GRM8: variants seen among roughly 807,000 people sequenced by gnomAD.
The protein encoded by GRM8 is glutamate metabotropic receptor 8, also known as metabotropic glutamate receptor 8.
In GRM8, 47 loss-of-function variants were observed where a neutral mutation model predicts 87.2. The observed-to-expected ratio is 0.54, with a 90% CI of 0.43 to 0.69. GRM8 has a LOEUF of 0.69. Among genes scored for constraint, GRM8 ranks in the 30% least tolerant of loss-of-function variants. GRM8 has a pLI of 0.00. For missense variants in GRM8, 1,019 were observed against 1,139.2 expected (o/e 0.89, Z 1.52); for synonymous variants, 396 against 404.5 (o/e 0.98, Z 0.25).
chr7:126,760,673 T>A (rs1817499597), intron 7 of GRM8, among the ~76,000 whole-genome samples: 1 of 152,294 alleles, frequency 6.6e-6, no homozygotes, highest in Non-Finnish European at 1.5e-5. Flanking sequence ...AAGCAGAGAC[T>A]TCAAGAATTA....
At chr7:126,562,259 A>C (rs942010822) in intron 8 of GRM8, among the ~76,000 whole-genome samples, 1 of 152,174 alleles carries the variant, frequency 6.6e-6, no homozygotes, top group African/African-American at 2.4e-5. Flanking sequence ...AAAACACTAG[A>C]TAAAGATAAA....
At chr7:127,029,133 T>C (rs1257363699) in intron 3 of GRM8, among the ~76,000 whole-genome samples, 1 of 152,216 alleles carries the variant, frequency 6.6e-6, no homozygotes, top group African/African-American at 2.4e-5. Context: ...AGTTTCCATG[T>C]ATCTGTGTGG....
At chr7:126,478,370 T>C (rs1806254577) in intron 9 of GRM8, among the ~76,000 whole-genome samples, 1 of 152,120 alleles carries the variant, frequency 6.6e-6, no homozygotes, top group Admixed American at 6.6e-5. Context: ...GATTATTCTT[T>C]AAATATCCAA....
intron 2 of GRM8, among the ~76,000 whole-genome samples, chr7:127,135,870 T>C (rs1427231747): frequency 6.6e-6 from 1 of 152,178 alleles, no homozygotes; most frequent in African/African-American, 2.4e-5. Context: ...TAGTAATTTC[T>C]AAAAATTGAG....
At chr7:127,190,498 C>T (rs549720596) in intron 2 of GRM8, among the ~76,000 whole-genome samples, 4 of 151,292 alleles carry the variant, frequency 2.6e-5, no homozygotes, top group Admixed American at 1.3e-4. Flanking sequence ...GAGCCGGGAT[C>T]GTGCCATTGC....
intron 9 of GRM8, among the ~76,000 whole-genome samples, chr7:126,456,519 TAAAAAAAAAAAAAA>T (rs513): frequency 2.9e-5 from 2 of 69,696 alleles, no homozygotes; most frequent in African/African-American, 8.3e-5. Flanking sequence ...AGCAGCAAGC[TAAAAAAAAAAAAAA>T]AAAAAAAAAA....
Position 127,242,773 on chromosome 7 carries a change from G to A in GRM8, c.432C>T (p.Pro144=), listed in dbSNP as rs199732932. 76 of 1,613,956 alleles carry A rather than the reference G, an allele frequency of 4.7e-5. No homozygotes were observed. Among genetic ancestry groups the A allele is most frequent in the Non-Finnish European group, 5.5e-5 (65 of 1,179,970 alleles). The change falls in exon 2 of 11, where the codon CCC becomes CCT. Residue 144 remains proline, a synonymous_variant. Coordinates refer to ENST00000339582, the MANE Select transcript of GRM8 (RefSeq NM_000845.3). The part of the protein sequence containing the change: ...ANGDPPIFTK[P]DKISGVIGAA... ...CACCTATGACGCCAGAAATCTTGTC[G>A]GGCTTGGTGAAAATGGGTGGATCTC...
chr7:127,047,923 G>T (rs1357226113), intron 3 of GRM8, among the ~76,000 whole-genome samples: 1 of 152,138 alleles, frequency 6.6e-6, no homozygotes, highest in Non-Finnish European at 1.5e-5. Context: ...TCAATATGTA[G>T]TGATAACCAA....
chr7:126,702,494 C>T (rs989357201), intron 7 of GRM8, among the ~76,000 whole-genome samples: 22 of 152,146 alleles, frequency 1.4e-4, no homozygotes, highest in East Asian at 1.9e-4. Context: ...TGTAGAAGGA[C>T]GACGCAGTGG....
chr7:126,526,097 T>C (rs1334632244), intron 9 of GRM8, among the ~76,000 whole-genome samples: 2 of 152,208 alleles, frequency 1.3e-5, no homozygotes, highest in African/African-American at 4.8e-5. Context: ...AAGGAACTGT[T>C]TGCTTGCAAT....
chr7:127,014,965 A>G (rs984866210), intron 3 of GRM8, among the ~76,000 whole-genome samples: 5 of 146,364 alleles, frequency 3.4e-5, no homozygotes, highest in African/African-American at 1.3e-4. Context: ...GAAGAAGAAG[A>G]AGAGGAAGAA....
intron 3 of GRM8, among the ~76,000 whole-genome samples, chr7:126,930,753 G>C (rs1805680251): frequency 1.3e-5 from 2 of 152,210 alleles, no homozygotes; most frequent in African/African-American, 4.8e-5. Context: ...TGTGAGCCGA[G>C]TATTATAAGT....
chr7:126,578,844 A>G (rs1299920902), intron 8 of GRM8, among the ~76,000 whole-genome samples: 1 of 151,442 alleles, frequency 6.6e-6, no homozygotes, highest in Non-Finnish European at 1.5e-5. Context: ...CTTAAAGAGG[A>G]AAAAAAAAGA....
intron 2 of GRM8, among the ~76,000 whole-genome samples, chr7:127,141,397 A>C (rs909258987): frequency 3.3e-5 from 5 of 152,168 alleles, no homozygotes; most frequent in African/African-American, 1.2e-4. Context: ...TTTACTCAAG[A>C]CTTAAGCCAG....
intron 2 of GRM8, among the ~76,000 whole-genome samples, chr7:127,129,735 A>C (rs760537306): frequency 1.6e-4 from 24 of 152,196 alleles, no homozygotes; most frequent in Admixed American, 1.6e-3. Flanking sequence ...CCAAAGTCAC[A>C]GTAGAGATTC....
intron 2 of GRM8, among the ~76,000 whole-genome samples, chr7:127,117,501 G>A (rs1826766170): frequency 6.6e-6 from 1 of 152,170 alleles, no homozygotes; most frequent in Admixed American, 6.5e-5. Context: ...ATTTCAAGAT[G>A]AAATCTCTGA....
At chr7:126,808,954 T>C (rs1479983110) in intron 6 of GRM8, among the ~76,000 whole-genome samples, 1 of 152,190 alleles carries the variant, frequency 6.6e-6, no homozygotes, top group African/African-American at 2.4e-5. Flanking sequence ...CAACACATAT[T>C]TATTATTTTA....
At chr7:127,137,023 T>G (rs1827980101) in intron 2 of GRM8, among the ~76,000 whole-genome samples, 1 of 152,134 alleles carries the variant, frequency 6.6e-6, no homozygotes, top group Admixed American at 6.5e-5. Context: ...AAAAGTCACA[T>G]TGTCCTGCAA....
intron 9 of GRM8, among the ~76,000 whole-genome samples, chr7:126,508,251 G>GCGCA (rs1810788293): frequency 6.7e-6 from 1 of 150,238 alleles, no homozygotes; most frequent in African/African-American, 2.4e-5. Flanking sequence ...ACACACACTG[G>GCGCA]CACACACACA....
Sources: gnomAD v4.1 joint callset for allele counts (sites outside exome capture counted in the v4.1 genomes callset) on GRCh38, gnomAD v4.1.1 for gene constraint, MANE v1.5 for transcripts, NCBI Gene and HGNC (gene_info 2026-07-23, HGNC 2026-07-21) for gene names.